Variants in EYS observed in about 807,000 individuals in gnomAD.
EYS encodes EGF-like photoreceptor maintenance factor, also known as protein eyes shut homolog.
A neutral mutation model predicts 282.1 loss-of-function variants in EYS; 250 were observed. The observed-to-expected ratio is 0.89, with a 90% CI of 0.80 to 0.98. The LOEUF is 0.98. Among genes scored for constraint, EYS ranks in the 50% least tolerant of loss-of-function variants. The pLI, the probability that EYS is intolerant of heterozygous loss-of-function variation, is 0.00. For synonymous variants in EYS, 1,355 were observed against 1,282.9 expected (o/e 1.06, Z -1.20); for missense variants, 4,016 against 3,709.0 (o/e 1.08, Z -2.15).
intron 21 of EYS, among the ~76,000 whole-genome samples, chr6:64,817,030 C>A (rs907208918): frequency 2.0e-5 from 3 of 151,550 alleles, no homozygotes; most frequent in African/African-American, 7.3e-5. Flanking sequence ...AAGCAAGGTA[C>A]TCTGTGTGTG....
chr6:64,519,965 G>C (rs1019790764), intron 26 of EYS, among the ~76,000 whole-genome samples: 2 of 151,796 alleles, frequency 1.3e-5, no homozygotes, highest in African/African-American at 4.8e-5. Context: ...AATGAAAAGA[G>C]GGTTGAATTT....
At chr6:65,331,008 C>G (rs781109145) in intron 11 of EYS, 81 of 984,254 alleles carry the variant, frequency 8.2e-5, no homozygotes, top group Non-Finnish European at 9.6e-5. Context: ...TCAGAGCTCT[C>G]TGTTGACCCA....
chr6:64,239,258 G>C (rs949117996), intron 30 of EYS, among the ~76,000 whole-genome samples: 11 of 152,012 alleles, frequency 7.2e-5, no homozygotes, highest in African/African-American at 2.7e-4. Context: ...TAATACTTTG[G>C]GTATATACCC....
At chr6:65,619,396 T>C (rs939038652) in intron 2 of EYS, among the ~76,000 whole-genome samples, 2 of 152,206 alleles carry the variant, frequency 1.3e-5, no homozygotes, top group African/African-American at 4.8e-5. Context: ...TTTTTGTACA[T>C]TGATCTTGTA....
At chr6:65,239,307 CAA>C (rs1456303495) in intron 12 of EYS, among the ~76,000 whole-genome samples, 1 of 151,848 alleles carries the variant, frequency 6.6e-6, no homozygotes. Context: ...ATAAATGAAT[CAA>C]TAAATTATAG....
intron 28 of EYS, among the ~76,000 whole-genome samples, chr6:64,411,902 T>G (rs1470203059): frequency 6.6e-6 from 1 of 151,374 alleles, no homozygotes; most frequent in African/African-American, 2.4e-5. Flanking sequence ...TATATATGTA[T>G]ATATGTTTAT....
intron 26 of EYS, among the ~76,000 whole-genome samples, chr6:64,532,693 A>T (rs1764390763): frequency 6.6e-6 from 1 of 152,178 alleles, no homozygotes; most frequent in Non-Finnish European, 1.5e-5. Context: ...TGGGTGACGG[A>T]GTGAGACTCC....
chr6:65,588,690 G>T (rs1396254165), intron 2 of EYS, among the ~76,000 whole-genome samples: 1 of 151,880 alleles, frequency 6.6e-6, no homozygotes, highest in East Asian at 1.9e-4. Context: ...GGCTCCTCTG[G>T]GAAGCCTTTC....
chr6:65,341,928 C>T (rs139969763), intron 10 of EYS, among the ~76,000 whole-genome samples: 4 of 150,976 alleles, frequency 2.6e-5, no homozygotes, highest in Admixed American at 1.3e-4. Context: ...TTCAGATAGT[C>T]GACATTTTAC....
At chr6:63,787,656 A>C (rs892527474) in intron 39 of EYS, among the ~76,000 whole-genome samples, 25 of 152,232 alleles carry the variant, frequency 1.6e-4, no homozygotes, top group Non-Finnish European at 3.2e-4. Flanking sequence ...AGTGGTCAAT[A>C]AATAGTAAAT....
intron 14 of EYS, among the ~76,000 whole-genome samples, chr6:64,949,525 CTT>C (rs1769407876): frequency 6.6e-6 from 1 of 151,882 alleles, no homozygotes; most frequent in South Asian, 2.1e-4. Context: ...GCTGTTACCT[CTT>C]GTTTTGTTAA....
chr6:64,870,055 C>T (rs550112405), intron 19 of EYS, among the ~76,000 whole-genome samples: 51 of 151,586 alleles, frequency 3.4e-4, no homozygotes, highest in East Asian at 1.7e-3. Context: ...GCACTAAATA[C>T]GAGGGTGAGA....
intron 30 of EYS, among the ~76,000 whole-genome samples, chr6:64,233,125 C>T (rs1766478250): frequency 6.6e-6 from 1 of 152,174 alleles, no homozygotes; most frequent in Non-Finnish European, 1.5e-5. Flanking sequence ...GCTGTAGCTG[C>T]TCAGGGAGCC....
chr6:64,686,113 A>C (rs560229364), intron 22 of EYS, among the ~76,000 whole-genome samples: 24 of 150,474 alleles, frequency 1.6e-4, no homozygotes, highest in African/African-American at 4.2e-4. Flanking sequence ...TTAAAAAAAA[A>C]CAGGAAACTG....
At chr6:65,154,111 G>T (rs2150217178) in intron 12 of EYS, among the ~76,000 whole-genome samples, 2 of 151,700 alleles carry the variant, frequency 1.3e-5, no homozygotes, top group Middle Eastern at 6.8e-3. Flanking sequence ...CGGAAAAGAG[G>T]GCTCAAGTCT....
At chr6:64,377,676 G>T (rs765256211) in intron 29 of EYS, 3 of 151,950 alleles carry the variant, frequency 2.0e-5, no homozygotes, top group African/African-American at 7.3e-5. Flanking sequence ...ATTTTATAAA[G>T]GCATTTTGTA....
intron 35 of EYS, among the ~76,000 whole-genome samples, chr6:63,927,306 T>G (rs1277364800): frequency 6.6e-6 from 1 of 152,208 alleles, no homozygotes; most frequent in Non-Finnish European, 1.5e-5. Flanking sequence ...TAAGAGGTCA[T>G]GTTGGCTGAC....
At chr6:64,679,179 T>C (rs762519057) in intron 22 of EYS, among the ~76,000 whole-genome samples, 4 of 103,196 alleles carry the variant, frequency 3.9e-5, no homozygotes, top group African/African-American at 6.8e-5. Flanking sequence ...TAGTTTCTGG[T>C]TTATCGTTCT....
chr6:64,348,457 T>C (rs1349918838), intron 29 of EYS, among the ~76,000 whole-genome samples: 1 of 29,576 alleles, frequency 3.4e-5, no homozygotes, highest in Non-Finnish European at 7.6e-5. Context: ...TGGAAGTAAC[T>C]TTCAGATATG....
Sources: allele counts gnomAD v4.1 joint callset (sites outside exome capture counted in the v4.1 genomes callset), GRCh38; gene constraint gnomAD v4.1.1; transcripts MANE v1.5; gene names NCBI Gene and HGNC (gene_info 2026-07-23, HGNC 2026-07-21).